Variants in ADAMTS18 observed in about 807,000 individuals in gnomAD.
ADAMTS18 encodes A disintegrin and metalloproteinase with thrombospondin motifs 18.
ADAMTS18 carries 157 observed loss-of-function variants against 165.9 expected under a neutral mutation model. The observed-to-expected ratio is 0.95, with a 90% CI of 0.83 to 1.08. The LOEUF is 1.08. Among genes scored for constraint, ADAMTS18 ranks in the 50% least tolerant of loss-of-function variants. The pLI is 0.00. For synonymous variants in ADAMTS18, 782 were observed against 578.2 expected, an observed-to-expected ratio of 1.35 and a Z score of -5.06; for missense variants, 2,040 against 1,534.0, an observed-to-expected ratio of 1.33 and a Z score of -5.51.
chr16:77,420,929 T>C (rs1270970440), intron 3 of ADAMTS18, among the ~76,000 whole-genome samples: 3 of 152,164 alleles, frequency 2.0e-5, no homozygotes, highest in South Asian at 2.1e-4. Flanking sequence ...GGTGAACCCA[T>C]AGACACTAAA....
At chr16:77,404,485 G>A (rs1246022576) in intron 3 of ADAMTS18, among the ~76,000 whole-genome samples, 2 of 151,912 alleles carry the variant, frequency 1.3e-5, no homozygotes, top group Non-Finnish European at 2.9e-5. Context: ...AAAATTACAA[G>A]AAAGAAGAAA....
At chr16:77,380,650 G>A (rs566430174) in intron 3 of ADAMTS18, among the ~76,000 whole-genome samples, 1 of 152,104 alleles carries the variant, frequency 6.6e-6, no homozygotes, top group Non-Finnish European at 1.5e-5. Context: ...TTTATAAGCA[G>A]CCATAACCTA....
intron 3 of ADAMTS18, among the ~76,000 whole-genome samples, chr16:77,422,870 T>C (rs961155250): frequency 1.4e-4 from 22 of 152,310 alleles, no homozygotes; most frequent in South Asian, 6.2e-4. Flanking sequence ...AGTCTGTGCA[T>C]TGACAGTCAC....
chr16:77,337,063 A>G (rs541060827), intron 11 of ADAMTS18, among the ~76,000 whole-genome samples: 1 of 152,324 alleles, frequency 6.6e-6, no homozygotes, highest in East Asian at 1.9e-4. Context: ...CACTCTATCT[A>G]GGTTAAGATA....
intron 3 of ADAMTS18, among the ~76,000 whole-genome samples, chr16:77,409,808 C>A (rs2057437823): frequency 6.6e-6 from 1 of 151,782 alleles, no homozygotes; most frequent in Non-Finnish European, 1.5e-5. Context: ...CTTTCTTGTG[C>A]TTTTGGAGTA....
chr16:77,374,281 G>C (rs962763917), intron 3 of ADAMTS18, among the ~76,000 whole-genome samples: 1 of 151,698 alleles, frequency 6.6e-6, no homozygotes, highest in Non-Finnish European at 1.5e-5. Context: ...AGGTGATGCT[G>C]AAGGCATGCC....
chr16:77,383,939 T>G (rs918393654), intron 3 of ADAMTS18, among the ~76,000 whole-genome samples: 19 of 152,158 alleles, frequency 1.2e-4, no homozygotes, highest in African/African-American at 4.1e-4. Flanking sequence ...AAAGCCAACC[T>G]TGTCATTTTC....
chr16:77,320,512 G>A (rs998171106), intron 15 of ADAMTS18, among the ~76,000 whole-genome samples: 7 of 152,018 alleles, frequency 4.6e-5, no homozygotes, highest in African/African-American at 1.2e-4. Context: ...GGTGGCAGGT[G>A]CCTGTAATCC....
At chr16:77,422,941 G>T (rs1311999964) in intron 3 of ADAMTS18, among the ~76,000 whole-genome samples, 1 of 152,214 alleles carries the variant, frequency 6.6e-6, no homozygotes, top group Non-Finnish European at 1.5e-5. Context: ...GGTTCAGGCA[G>T]TCTCGTTTCC....
chr16:77,402,845 A>C (rs972566524), intron 3 of ADAMTS18, among the ~76,000 whole-genome samples: 2 of 152,200 alleles, frequency 1.3e-5, no homozygotes, highest in Non-Finnish European at 2.9e-5. Context: ...ACTCCAGCCA[A>C]GGTTGAATGC....
chr16:77,356,927 A>C (rs1011339591), intron 8 of ADAMTS18, among the ~76,000 whole-genome samples: 7 of 151,988 alleles, frequency 4.6e-5, no homozygotes, highest in Non-Finnish European at 7.4e-5. Context: ...GAAGATGGGG[A>C]AATAAGAGTC....
chr16:77,354,394 A>G (rs1328598616), intron 9 of ADAMTS18, among the ~76,000 whole-genome samples: 1 of 152,230 alleles, frequency 6.6e-6, no homozygotes, highest in Non-Finnish European at 1.5e-5. Flanking sequence ...ACAAAAATAA[A>G]TAACATTCCT....
At chr16:77,352,393 G>C (rs756922756) in intron 10 of ADAMTS18, among the ~76,000 whole-genome samples, 5 of 152,116 alleles carry the variant, frequency 3.3e-5, no homozygotes, top group African/African-American at 7.2e-5. Context: ...GTGAAGAAGA[G>C]GAAATTTCAC....
chr16:77,326,364 T>C (rs1325565240), intron 12 of ADAMTS18, among the ~76,000 whole-genome samples: 1 of 152,172 alleles, frequency 6.6e-6, no homozygotes, highest in Non-Finnish European at 1.5e-5. Context: ...TAAACACTGA[T>C]GAAAGAAGTT....
At chr16:77,359,249 G>C (rs568407896) in intron 8 of ADAMTS18, 69 bp downstream of exon 8, 71 of 1,336,140 alleles carry the variant, frequency 5.3e-5, no homozygotes, top group Middle Eastern at 2.1e-4. Context: ...CAACAACAAC[G>C]GTTAGAGGAA....
chr16:77,382,200 G>T (rs1208315758), intron 3 of ADAMTS18, among the ~76,000 whole-genome samples: 5 of 150,804 alleles, frequency 3.3e-5, no homozygotes, highest in Non-Finnish European at 5.9e-5. Context: ...CCAGTTTTTG[G>T]TTTTTTGTTT....
At chr16:77,433,504 G>A in intron 2 of ADAMTS18, 1 of 152,242 alleles carries the variant, frequency 6.6e-6, no homozygotes, top group Admixed American at 6.5e-5. Context: ...GGTTGTGGCT[G>A]GGTCGGACGT....
intron 16 of ADAMTS18, among the ~76,000 whole-genome samples, chr16:77,318,589 T>C (rs768456170): frequency 3.3e-5 from 5 of 152,178 alleles, no homozygotes; most frequent in African/African-American, 9.7e-5. Context: ...ACAGTCATGA[T>C]AACAACGATA....
chr16:77,361,958 G>C, intron 7 of ADAMTS18, 147 bp downstream of exon 7: 1 of 897,640 alleles, frequency 1.1e-6, no homozygotes, highest in Non-Finnish European at 1.7e-6. Flanking sequence ...AAGAACAATA[G>C]TCACCACAGG....
Sources: allele counts gnomAD v4.1 joint callset (sites outside exome capture counted in the v4.1 genomes callset), GRCh38; gene constraint gnomAD v4.1.1; transcripts MANE v1.5; gene names NCBI Gene and HGNC (gene_info 2026-07-23, HGNC 2026-07-21).